FAM171A1: variants seen among roughly 807,000 people sequenced by gnomAD.
FAM171A1 encodes family with sequence similarity 171 member A1.
A neutral mutation model predicts 74.9 loss-of-function variants in FAM171A1; 23 were observed. The ratio of observed to expected loss-of-function variants is 0.31; its 90% confidence interval spans 0.22 to 0.44. FAM171A1 has a LOEUF of 0.44. Among genes scored for constraint, FAM171A1 ranks in the 20% least tolerant of loss-of-function variants. The pLI, the probability that FAM171A1 is intolerant of heterozygous loss-of-function variation, is 1.00. For missense variants in FAM171A1, 1,162 were observed against 1,159.2 expected, an observed-to-expected ratio of 1.00 and a Z score of -0.03; for synonymous variants, 527 against 505.7, an observed-to-expected ratio of 1.04 and a Z score of -0.57.
intron 1 of FAM171A1, among the ~76,000 whole-genome samples, chr10:15,306,334 A>G (rs867832341): frequency 6.6e-6 from 1 of 152,050 alleles, no homozygotes; most frequent in Admixed American, 6.5e-5. Flanking sequence ...ATCAATATCA[A>G]TGTAATTTAT....
intron 5 of FAM171A1, among the ~76,000 whole-genome samples, chr10:15,243,502 C>G (rs552472762): frequency 6.6e-6 from 1 of 152,288 alleles, no homozygotes; most frequent in South Asian, 2.1e-4. Flanking sequence ...AGCAAGGATG[C>G]TGCTTTCATA....
chr10:15,289,818 T>C (rs2138931), intron 1 of FAM171A1, among the ~76,000 whole-genome samples: 15,650 of 152,288 alleles, frequency 0.1, 917 homozygotes, highest in African/African-American at 0.14. Flanking sequence ...TAAAGTTTTA[T>C]TGGAACACAG....
chr10:15,266,834 A>G (rs1040403907), intron 3 of FAM171A1, among the ~76,000 whole-genome samples: 1 of 149,536 alleles, frequency 6.7e-6, no homozygotes, highest in African/African-American at 2.5e-5. Context: ...GCACCACTGC[A>G]GTTCAGCCTG....
intron 4 of FAM171A1, 62 bp from the exon 5 acceptor site, chr10:15,248,877 C>A (rs921147233): frequency 4.7e-6 from 7 of 1,484,638 alleles, no homozygotes; most frequent in Admixed American, 4.6e-5. Flanking sequence ...GCTGTGGAAA[C>A]CTTTGCAAAA....
At chr10:15,285,654 T>A (rs1168868221) in intron 1 of FAM171A1, among the ~76,000 whole-genome samples, 1 of 152,204 alleles carries the variant, frequency 6.6e-6, no homozygotes, top group Non-Finnish European at 1.5e-5. Flanking sequence ...TGGTGTGATG[T>A]ATGTCCACCT....
At chr10:15,316,591 CTT>C (rs1835425318) in intron 1 of FAM171A1, among the ~76,000 whole-genome samples, 1 of 152,196 alleles carries the variant, frequency 6.6e-6, no homozygotes, top group African/African-American at 2.4e-5. Flanking sequence ...CAACCAATAA[CTT>C]TTGTGCTTGC....
chr10:15,331,303 A>G (rs1041177627), intron 1 of FAM171A1, among the ~76,000 whole-genome samples: 2 of 152,176 alleles, frequency 1.3e-5, no homozygotes, highest in Non-Finnish European at 1.5e-5. Context: ...GCGGCCTAGA[A>G]AAGTTGAATA....
chr10:15,254,384 TAA>T (rs1428507678), intron 4 of FAM171A1, among the ~76,000 whole-genome samples: 1 of 152,192 alleles, frequency 6.6e-6, no homozygotes, highest in Non-Finnish European at 1.5e-5. Context: ...CCAAAAACCC[TAA>T]GTCTAATCTT....
intron 2 of FAM171A1, among the ~76,000 whole-genome samples, chr10:15,281,000 G>C (rs775826855): frequency 6.6e-6 from 1 of 152,214 alleles, no homozygotes; most frequent in Non-Finnish European, 1.5e-5. Flanking sequence ...CCTGATGGGA[G>C]GTGATTGGAT....
At chr10:15,293,866 T>C (rs1835131126) in intron 1 of FAM171A1, among the ~76,000 whole-genome samples, 1 of 152,210 alleles carries the variant, frequency 6.6e-6, no homozygotes, top group Non-Finnish European at 1.5e-5. Flanking sequence ...TTGTGGCACC[T>C]TCTGAAATAG....
intron 5 of FAM171A1, among the ~76,000 whole-genome samples, chr10:15,224,941 T>G (rs924385287): frequency 6.6e-6 from 1 of 152,112 alleles, no homozygotes; most frequent in African/African-American, 2.4e-5. Context: ...CCTCATATAG[T>G]TTTTCTCTCT....
intron 5 of FAM171A1, among the ~76,000 whole-genome samples, chr10:15,245,548 T>C (rs1588509447): frequency 1.3e-5 from 2 of 152,376 alleles, no homozygotes; most frequent in Non-Finnish European, 2.9e-5. Context: ...AGAATCCTAA[T>C]ACACTCATTA....
intron 1 of FAM171A1, among the ~76,000 whole-genome samples, chr10:15,290,879 G>T (rs1205644062): frequency 6.6e-6 from 1 of 152,136 alleles, no homozygotes; most frequent in East Asian, 1.9e-4. Flanking sequence ...TGAGGGGTCT[G>T]GGCCACCCAT....
At chr10:15,214,731 C>A in intron 7 of FAM171A1, 130 bp from the exon 8 acceptor site, 1 of 1,223,672 alleles carries the variant, frequency 8.2e-7, no homozygotes, top group Non-Finnish European at 1.1e-6. Context: ...CAGGAGCAGC[C>A]AAAAGCCTTC....
chr10:15,220,425 A>C (rs1253202363), intron 6 of FAM171A1, among the ~76,000 whole-genome samples: 7 of 152,344 alleles, frequency 4.6e-5, no homozygotes, highest in Admixed American at 3.9e-4. Flanking sequence ...AAAATAAACT[A>C]TTGGTCACGT....
At chr10:15,368,939 T>A (rs557300349) in intron 1 of FAM171A1, among the ~76,000 whole-genome samples, 26 of 152,306 alleles carry the variant, frequency 1.7e-4, no homozygotes, top group Middle Eastern at 6.8e-3. Flanking sequence ...ACCTGATTTC[T>A]GAAAGAGTTC....
chr10:15,372,489 G>A (rs1166617517), upstream of FAM171A1, among the ~76,000 whole-genome samples: 1 of 151,940 alleles, frequency 6.6e-6, no homozygotes, highest in Non-Finnish European at 1.5e-5. Flanking sequence ...GAGTTCAGGA[G>A]TTAAGAGACC....
intron 1 of FAM171A1, among the ~76,000 whole-genome samples, chr10:15,338,068 G>A (rs1350463161): frequency 3.3e-5 from 5 of 152,038 alleles, no homozygotes; most frequent in African/African-American, 4.8e-5. Context: ...ACTACAAATG[G>A]CCCAATTAAA....
intron 1 of FAM171A1, among the ~76,000 whole-genome samples, chr10:15,295,845 CCAT>C (rs1344255311): frequency 3.9e-5 from 6 of 152,176 alleles, no homozygotes; most frequent in African/African-American, 9.7e-5. Flanking sequence ...CTCCTTAGCA[CCAT>C]GATTAGCTAC....
Sources: gnomAD v4.1 joint callset for allele counts (sites outside exome capture counted in the v4.1 genomes callset) on GRCh38, gnomAD v4.1.1 for gene constraint, MANE v1.5 for transcripts, NCBI Gene and HGNC (gene_info 2026-07-23, HGNC 2026-07-21) for gene names.